The following GRHL2 variants were observed in gnomAD, a reference collection of about 807,000 sequenced individuals.
GRHL2 encodes the protein grainyhead-like protein 2 homolog.
GRHL2 carries 21 observed loss-of-function variants against 83.8 expected under a neutral mutation model. The observed-to-expected ratio is 0.25, with a 90% CI of 0.18 to 0.36. The LOEUF is 0.36. Among genes scored for constraint, GRHL2 ranks in the 10% least tolerant of loss-of-function variants. The probability of loss-of-function intolerance (pLI) is 1.00; values close to 1 mark genes in which losing one functional copy is unlikely to be tolerated. For missense variants in GRHL2, 623 were observed against 781.8 expected (o/e 0.80, Z 2.42); for synonymous variants, 280 against 278.9 (o/e 1.00, Z -0.04).
At chr8:101,574,409 G>A (rs527704460) in intron 6 of GRHL2, among the ~76,000 whole-genome samples, 7 of 152,216 alleles carry the variant, frequency 4.6e-5, no homozygotes, top group Non-Finnish European at 7.3e-5. Context: ...AGCTTCTGGC[G>A]TACTTGCTAC....
At chr8:101,518,271 G>C (rs143547652) in intron 1 of GRHL2, among the ~76,000 whole-genome samples, 3 of 152,258 alleles carry the variant, frequency 2.0e-5, no homozygotes, top group African/African-American at 7.2e-5. Flanking sequence ...TTAGCCGGGC[G>C]TGATGGTGCA....
chr8:101,650,854 T>G (rs957778669), intron 14 of GRHL2, among the ~76,000 whole-genome samples: 1 of 152,068 alleles, frequency 6.6e-6, no homozygotes, highest in Non-Finnish European at 1.5e-5. Flanking sequence ...ACCAGAAATT[T>G]TTAAAAACTG....
intron 14 of GRHL2, among the ~76,000 whole-genome samples, chr8:101,663,648 T>TAAATA (rs1239389813): frequency 1.4e-5 from 2 of 138,698 alleles, no homozygotes; most frequent in African/African-American, 5.8e-5. Context: ...TAAATAAAAA[T>TAAATA]AAAAGTAGTA....
chr8:101,627,470 C>T (rs986863521), intron 9 of GRHL2, among the ~76,000 whole-genome samples: 2 of 152,044 alleles, frequency 1.3e-5, no homozygotes, highest in African/African-American at 4.8e-5. Flanking sequence ...GATTGCTCCA[C>T]CAACCAGCTG....
chr8:101,499,305 G>A (rs1267030679), intron 1 of GRHL2, among the ~76,000 whole-genome samples: 12 of 152,068 alleles, frequency 7.9e-5, no homozygotes, highest in African/African-American at 2.4e-5. Flanking sequence ...ATACGTTTCT[G>A]GTTAAAAAAT....
At chr8:101,507,324 A>G (rs1810360689) in intron 1 of GRHL2, among the ~76,000 whole-genome samples, 1 of 152,184 alleles carries the variant, frequency 6.6e-6, no homozygotes, top group Non-Finnish European at 1.5e-5. Flanking sequence ...TTCCTTTCAC[A>G]TATGGAAAGC....
intron 13 of GRHL2, among the ~76,000 whole-genome samples, chr8:101,645,449 G>A (rs1813493876): frequency 4.6e-5 from 7 of 152,058 alleles, no homozygotes; most frequent in Admixed American, 2.6e-4. Flanking sequence ...CCCGCCATCT[G>A]CATAGGCTTG....
intron 6 of GRHL2, among the ~76,000 whole-genome samples, chr8:101,574,790 A>G (rs927922525): frequency 9.2e-5 from 14 of 152,234 alleles, no homozygotes; most frequent in Non-Finnish European, 1.9e-4. Flanking sequence ...ATGCCATCAC[A>G]ATAATAATAA....
intron 7 of GRHL2, among the ~76,000 whole-genome samples, chr8:101,595,395 CA>C (rs1186248418): frequency 1.3e-5 from 2 of 152,192 alleles, no homozygotes; most frequent in African/African-American, 4.8e-5. Context: ...CATGTTTGAA[CA>C]AATTTTCTTG....
chr8:101,678,839 T>C, the GRHL2 span, among the ~76,000 whole-genome samples: 12 of 149,520 alleles, frequency 8.0e-5, no homozygotes, highest in African/African-American at 2.2e-4. Context: ...TGGCAGGGTA[T>C]TCCAACAGAC....
In GRHL2 at chr8:101,626,810, G is replaced by A. The variant is rs544272450; in HGVS notation, c.1258-4827G>A. ...GAAAGAATATTTTCTAAAAGTCTGA[G>A]GTCACAAAGAATCATAGGAAGAGGT... On this transcript the variant is annotated intron_variant, in intron 9 of 15. Transcript: ENST00000646743. Among the ~76,000 whole-genome samples, 3 of 152,108 alleles carry A rather than the reference G, an allele frequency of 2.0e-5. No individual in the cohort carries two copies. The South Asian group carries it at 6.2e-4, about 32-fold the overall frequency.
intron 14 of GRHL2, among the ~76,000 whole-genome samples, chr8:101,652,880 C>T (rs558251358): frequency 1.3e-5 from 2 of 152,246 alleles, no homozygotes; most frequent in East Asian, 3.9e-4. Flanking sequence ...GCCTTTGTTA[C>T]TAAATCATTG....
At chr8:101,615,949 T>C (rs1417974726) in intron 8 of GRHL2, among the ~76,000 whole-genome samples, 1 of 152,166 alleles carries the variant, frequency 6.6e-6, no homozygotes, top group African/African-American at 2.4e-5. Flanking sequence ...GTCTCTGTGA[T>C]TGTAGTGGGC....
rs760145247 is a variant in GRHL2, at chr8:101,664,445, G to C, written c.1699-9G>C. 1.9e-6 allele frequency: 3 copies of C among 1,610,222 alleles called. No homozygotes were observed. The highest frequency in any genetic ancestry group is 2.5e-6 in the Non-Finnish European group (3 of 1,176,598). On this transcript the variant is annotated splice_polypyrimidine_tract_variant and intron_variant, in intron 14 of 15. Coordinates refer to ENST00000646743, the MANE Select transcript of GRHL2 (RefSeq NM_024915.4). ...GTGCTCATCTGCCTTCTTGTTATTG[G>C]TATTACAGATATCTGAGAAATATGG... is the stretch of plus-strand genomic sequence containing the variant.
intron 15 of GRHL2, 75 bp from the exon 16 acceptor site, chr8:101,666,514 C>T: frequency 2.4e-6 from 2 of 842,772 alleles, no homozygotes; most frequent in South Asian, 2.8e-5. Context: ...GAACCCCCAG[C>T]CTGGAGCTCC....
At chr8:101,493,938 G>T (rs1409991016) in intron 1 of GRHL2, among the ~76,000 whole-genome samples, 1 of 152,154 alleles carries the variant, frequency 6.6e-6, no homozygotes, top group African/African-American at 2.4e-5. Context: ...GGCGGGCGCG[G>T]GAGGGAGCCG....
At chr8:101,518,669 G>A (rs1319004400) in intron 1 of GRHL2, among the ~76,000 whole-genome samples, 1 of 152,108 alleles carries the variant, frequency 6.6e-6, no homozygotes, top group East Asian at 1.9e-4. Context: ...TCAACAGAAC[G>A]ATTCACTCCA....
At chr8:101,562,282 C>A in intron 4 of GRHL2, 1 of 608,968 alleles carries the variant, frequency 1.6e-6, no homozygotes, top group South Asian at 1.6e-5. Flanking sequence ...TTTTCAAATT[C>A]AAATGAATTA....
rs1014934267 is a variant in GRHL2 at position 101,667,260 on chromosome 8, G to C, written c.*557G>C. 5.4e-6 allele frequency: 1 copy of C among 184,118 alleles called. No individual in the cohort carries two copies. The highest frequency in any genetic ancestry group is 1.2e-5 in the Non-Finnish European group (1 of 85,890). The allele number at this position is 184,118 out of a possible 1,614,324, so 11.4% of individuals were successfully genotyped here. A position where few individuals can be genotyped will look rare whatever the true frequency, so the allele number is the denominator to read the frequency against. ...TAAATACCTCCAGGGTTCCCAGCAAGTGGCCACCAGGCCTTGTACAGGAAG... is the reference window on the plus strand; with the variant it reads ...TAAATACCTCCAGGGTTCCCAGCAACTGGCCACCAGGCCTTGTACAGGAAG... On this transcript the variant is annotated 3_prime_UTR_variant, in exon 16 of 16. Transcript: ENST00000646743.
Sources: gnomAD v4.1 joint callset for allele counts (sites outside exome capture counted in the v4.1 genomes callset) on GRCh38, gnomAD v4.1.1 for gene constraint, MANE v1.5 for transcripts, NCBI Gene and HGNC (gene_info 2026-07-23, HGNC 2026-07-21) for gene names.